GPR149: variants seen among roughly 807,000 people sequenced by gnomAD.
The protein encoded by GPR149 is probable G protein-coupled receptor 149.
In GPR149, 50 loss-of-function variants were observed where a neutral mutation model predicts 50.2. That is an observed-to-expected ratio of 1.00 (90% CI 0.79 to 1.26). The LOEUF (loss-of-function observed/expected upper bound fraction) is 1.26, where lower values mean the gene tolerates loss of function less well. GPR149 is among the 50% of genes most tolerant of loss of function. GPR149 has a pLI of 0.00. For missense variants in GPR149, 983 were observed against 895.4 expected, an observed-to-expected ratio of 1.10 and a Z score of -1.25; for synonymous variants, 405 against 358.2, an observed-to-expected ratio of 1.13 and a Z score of -1.48.
Position 154,338,040 on chromosome 3 carries a change from A to T in GPR149, c.1855T>A (p.Leu619Met). 6.2e-7 allele frequency: 1 copy of T among 1,614,184 alleles called. No homozygotes were observed. Among genetic ancestry groups the T allele is most frequent in the African/African-American group, 1.3e-5 (1 of 75,054 alleles). ...TTATCACAAATTTCAAGAACCTCCA[A>T]GTGTATTTTCACACTGGTGTCCACA... is the stretch of plus-strand genomic sequence containing the variant. ...TFVDTSVKIH[L>M]EVLEICDNEE... The change falls in exon 4 of 4, where the codon TTG (leucine) becomes ATG (methionine). Residue 619 changes from leucine (L) to methionine (M), a missense_variant. Physicochemically the swap from Leu to Met is conservative, Grantham distance 15. Transcript: ENST00000389740.
chr3:154,344,151 G>A (rs1713869701), intron 3 of GPR149, among the ~76,000 whole-genome samples: 1 of 152,148 alleles, frequency 6.6e-6, no homozygotes, highest in Non-Finnish European at 1.5e-5. Context: ...TAATAAGTCA[G>A]ATTATCCTCA....
At position 154,429,837 on chromosome 3, in the gene GPR149, C is replaced by A. The variant is rs1242325347; in HGVS notation, c.-222G>T. Reference sequence around the variant, plus strand: ...TTTCAAGCATAAAAAAAAAAAAACCCGAACAGATAACTTTTCAACATTCCA... The same window carrying A: ...TTTCAAGCATAAAAAAAAAAAAACCAGAACAGATAACTTTTCAACATTCCA... On this transcript the variant is annotated 5_prime_UTR_variant, in exon 1 of 4. Coordinates refer to ENST00000389740, the MANE Select transcript of GPR149 (RefSeq NM_001038705.3). 7.6e-6 allele frequency: 3 copies of A among 396,468 alleles called. No individual in the cohort carries two copies. Among genetic ancestry groups the A allele is most frequent in the Admixed American group, 8.5e-5 (2 of 23,668 alleles). The allele number at this position is 396,468 out of a possible 1,614,324, so 24.6% of individuals were successfully genotyped here.
chr3:154,354,165 G>T, intron 3 of GPR149: 1 of 490,274 alleles, frequency 2.0e-6, no homozygotes. Context: ...GAAGCATCCA[G>T]GTCATCTATA....
intron 3 of GPR149, among the ~76,000 whole-genome samples, chr3:154,414,563 T>C (rs1168385649): frequency 6.6e-6 from 1 of 151,774 alleles, no homozygotes; most frequent in Non-Finnish European, 1.5e-5. Context: ...CACTTAAAAA[T>C]TACAAGGGGG....
intron 3 of GPR149, among the ~76,000 whole-genome samples, chr3:154,368,002 GCTGT>G (rs1312152752): frequency 6.6e-6 from 1 of 152,194 alleles, no homozygotes; most frequent in Non-Finnish European, 1.5e-5. Context: ...CTGGAAAAGG[GCTGT>G]CTAACAACCC....
intron 3 of GPR149, among the ~76,000 whole-genome samples, chr3:154,340,260 A>C (rs1466061032): frequency 6.6e-6 from 1 of 152,196 alleles, no homozygotes; most frequent in East Asian, 1.9e-4. Context: ...AAGTTTTGGA[A>C]ATTTTGAAAA....
chr3:154,378,359 G>A (rs1369622494), intron 3 of GPR149, among the ~76,000 whole-genome samples: 1 of 152,082 alleles, frequency 6.6e-6, no homozygotes, highest in Non-Finnish European at 1.5e-5. Context: ...CTCCCAAAGT[G>A]CTGGGATTAC....
chr3:154,345,693 G>A (rs1007237008), intron 3 of GPR149, among the ~76,000 whole-genome samples: 5 of 152,098 alleles, frequency 3.3e-5, no homozygotes, highest in South Asian at 4.1e-4. Flanking sequence ...TCTTCACTAC[G>A]AGCCTCCAGG....
intron 3 of GPR149, among the ~76,000 whole-genome samples, chr3:154,350,372 T>C (rs701134): frequency 0.45 from 69,115 of 151,936 alleles, 15,973 homozygotes; most frequent in East Asian, 0.5. Context: ...AAGATACATG[T>C]ACAAAATCAT....
intron 3 of GPR149, among the ~76,000 whole-genome samples, chr3:154,356,092 C>A (rs181784173): frequency 6.6e-6 from 1 of 152,106 alleles, no homozygotes; most frequent in African/African-American, 2.4e-5. Context: ...CACTTGGGAC[C>A]TTCCTGGTGT....
intron 2 of GPR149, 42 bp from the exon 3 acceptor site, chr3:154,421,529 G>T: frequency 9.5e-7 from 1 of 1,051,144 alleles, no homozygotes; most frequent in Non-Finnish European, 1.4e-6. Flanking sequence ...TAGTAAGGTA[G>T]ATAAAGACAA....
In GPR149 at chr3:154,429,660, A is replaced by G. The variant is rs1712431520; in HGVS notation, c.-45T>C. 6.5e-7 allele frequency: 1 copy of G among 1,532,784 alleles called. No homozygotes were observed. Among genetic ancestry groups the G allele is most frequent in the Non-Finnish European group, 8.9e-7 (1 of 1,128,162 alleles). The allele number at this position is 1,532,784 out of a possible 1,614,324, so 94.9% of individuals were successfully genotyped here. A position where few individuals can be genotyped will look rare whatever the true frequency, so the allele number is the denominator to read the frequency against. The stretch of plus-strand genomic sequence containing the variant: ...ATTTCCCTTATCAATGAGTCTGATA[A>G]TTTTCTCAAAAGAAAGACCGGCTGC... On this transcript the variant is annotated 5_prime_UTR_variant, in exon 1 of 4. Coordinates refer to ENST00000389740, the MANE Select transcript of GPR149 (RefSeq NM_001038705.3).
intron 3 of GPR149, among the ~76,000 whole-genome samples, chr3:154,419,857 C>T (rs1284354176): frequency 4.6e-5 from 7 of 151,932 alleles, no homozygotes; most frequent in Admixed American, 3.9e-4. Context: ...ACATATGGAG[C>T]GTTGTGTTCT....
At chr3:154,383,488 G>T (rs540610401) in intron 3 of GPR149, among the ~76,000 whole-genome samples, 5 of 152,248 alleles carry the variant, frequency 3.3e-5, no homozygotes, top group African/African-American at 9.6e-5. Context: ...GGGGCACACT[G>T]CTTGCCATAT....
chr3:154,357,865 C>T (rs1437461666), intron 3 of GPR149, among the ~76,000 whole-genome samples: 2 of 152,112 alleles, frequency 1.3e-5, no homozygotes, highest in Non-Finnish European at 2.9e-5. Flanking sequence ...GCACTTTTCA[C>T]AATAGCAAAG....
At chr3:154,393,905 CA>C (rs1299233640) in intron 3 of GPR149, among the ~76,000 whole-genome samples, 1 of 151,788 alleles carries the variant, frequency 6.6e-6, no homozygotes, top group Non-Finnish European at 1.5e-5. Flanking sequence ...AAACCACTGA[CA>C]AAAAATTAAA....
chr3:154,338,162 T>C lies in GPR149; in HGVS notation c.1733A>G (p.Glu578Gly). Reference protein sequence around the residue: ...LSLSTYEVSAEGQKITPASKK... With the variant: ...LSLSTYEVSAGGQKITPASKK... ...AGAGGCTGGAGTTATTTTTTGCCCT[T>C]CTGCGCTTACCTCATAGGTAGAAAG... is the stretch of plus-strand genomic sequence containing the variant. The change falls in exon 4 of 4, where the codon GAA (glutamate) becomes GGA (glycine). Residue 578 changes from glutamate to glycine, a missense_variant. Transcript: ENST00000389740. The C allele has an allele frequency of 6.2e-7, 1 of 1,614,184 alleles. No homozygotes were observed. The highest frequency in any genetic ancestry group is 8.5e-7 in the Non-Finnish European group (1 of 1,180,014).
intron 3 of GPR149, among the ~76,000 whole-genome samples, chr3:154,373,150 A>T (rs1442869774): frequency 6.6e-6 from 1 of 152,172 alleles, no homozygotes; most frequent in Non-Finnish European, 1.5e-5. Flanking sequence ...AAGAATGGGC[A>T]GAGATAAAGG....
Position 154,337,954 on chromosome 3 carries a change from G to C in GPR149, c.1941C>G (p.Val647=), listed in dbSNP as rs940206201. Residue 647 remains valine (V), a synonymous_variant, in exon 4 of 4, where the codon GTC becomes GTG. Coordinates refer to ENST00000389740, the MANE Select transcript of GPR149 (RefSeq NM_001038705.3). ...ISNISQSSTQ[V]RSPSLRYSRK... ...TGGAGTAACGTAGGGATGGAGATCT[G>C]ACTTGTGTGGAGGACTGACTGATGT... The C allele has an allele frequency of 6.2e-7, 1 of 1,613,936 alleles. No individual in the cohort carries two copies. The highest frequency in any genetic ancestry group is 1.3e-5 in the African/African-American group (1 of 75,034).
Sources: allele counts gnomAD v4.1 joint callset (sites outside exome capture counted in the v4.1 genomes callset), GRCh38; gene constraint gnomAD v4.1.1; transcripts MANE v1.5; gene names NCBI Gene and HGNC (gene_info 2026-07-23, HGNC 2026-07-21).